The following ENTREP2 variants were observed in gnomAD, a reference collection of about 807,000 sequenced individuals.
ENTREP2 encodes the protein endosomal transmembrane epsin interactor 2, also known as protein ENTREP2.
At chr15:29,342,753 T>C in the ENTREP2 span, among the ~76,000 whole-genome samples, 1 of 152,166 alleles carries the variant, frequency 6.6e-6, no homozygotes, top group South Asian at 2.1e-4. Context: ...AGTGTTTTCA[T>C]GTGATTAGGC....
chr15:29,336,820 A>T, the ENTREP2 span, among the ~76,000 whole-genome samples: 1 of 152,152 alleles, frequency 6.6e-6, no homozygotes, highest in Non-Finnish European at 1.5e-5. Flanking sequence ...AGTCAGATCT[A>T]CCAGATGCCA....
At chr15:29,389,519 T>G in the ENTREP2 span, among the ~76,000 whole-genome samples, 1 of 152,146 alleles carries the variant, frequency 6.6e-6, no homozygotes, top group Non-Finnish European at 1.5e-5. Context: ...ATCAGTGAGC[T>G]TCTGTGGAGC....
At chr15:29,154,228 T>C in the ENTREP2 span, among the ~76,000 whole-genome samples, 3 of 152,348 alleles carry the variant, frequency 2.0e-5, no homozygotes, top group Admixed American at 6.5e-5. Context: ...AAGTGTTTTA[T>C]TGATTTCCTT....
the ENTREP2 span, among the ~76,000 whole-genome samples, chr15:29,411,255 T>C: frequency 6.6e-6 from 1 of 152,320 alleles, no homozygotes; most frequent in East Asian, 1.9e-4. Flanking sequence ...CATGTTCAGC[T>C]ATAGAAAAGA....
chr15:29,205,137 G>C, the ENTREP2 span, among the ~76,000 whole-genome samples: 1 of 152,182 alleles, frequency 6.6e-6, no homozygotes, highest in African/African-American at 2.4e-5. Flanking sequence ...CCATGTGGTA[G>C]CACGTGTCGA....
At chr15:29,215,577 A>AATAT in the ENTREP2 span, among the ~76,000 whole-genome samples, 2,551 of 144,670 alleles carry the variant, frequency 0.018, 45 homozygotes, top group East Asian at 0.061. Flanking sequence ...AAATATATAT[A>AATAT]ATATATATAT....
the ENTREP2 span, among the ~76,000 whole-genome samples, chr15:29,636,491 T>C: frequency 5.3e-3 from 808 of 152,348 alleles, 8 homozygotes; most frequent in African/African-American, 0.018. Context: ...CCTGCACAGC[T>C]GTGCATGAAG....
At chr15:29,293,923 A>G in the ENTREP2 span, among the ~76,000 whole-genome samples, 3 of 152,204 alleles carry the variant, frequency 2.0e-5, no homozygotes, top group African/African-American at 4.8e-5. Context: ...ATCCTGCAGT[A>G]ACTGTGGGGA....
the ENTREP2 span, among the ~76,000 whole-genome samples, chr15:29,472,428 A>AACACACAACACAC: frequency 7.1e-6 from 1 of 140,622 alleles, no homozygotes; most frequent in Non-Finnish European, 1.5e-5. Flanking sequence ...CACAACACAC[A>AACACACAACACAC]ACACACACAC....
At chr15:29,169,998 A>G in the ENTREP2 span, among the ~76,000 whole-genome samples, 1 of 152,166 alleles carries the variant, frequency 6.6e-6, no homozygotes, top group African/African-American at 2.4e-5. Flanking sequence ...TAGTTGTGCA[A>G]TGTTGCTGCA....
At chr15:29,651,443 A>T in the ENTREP2 span, among the ~76,000 whole-genome samples, 1,694 of 152,350 alleles carry the variant, frequency 0.011, 34 homozygotes, top group African/African-American at 0.039. Context: ...CCAAGATGCC[A>T]GCTGCAGCAG....
chr15:29,409,803 A>C, the ENTREP2 span, among the ~76,000 whole-genome samples: 1 of 151,998 alleles, frequency 6.6e-6, no homozygotes, highest in African/African-American at 2.4e-5. Context: ...TCCACTTTCC[A>C]GTTATAACTA....
chr15:29,557,451 C>A, the ENTREP2 span, among the ~76,000 whole-genome samples: 1 of 152,202 alleles, frequency 6.6e-6, no homozygotes, highest in Non-Finnish European at 1.5e-5. Context: ...GCAAACAATT[C>A]TGATCACAGG....
At chr15:29,353,520 A>G in the ENTREP2 span, among the ~76,000 whole-genome samples, 1 of 152,216 alleles carries the variant, frequency 6.6e-6, no homozygotes, top group Non-Finnish European at 1.5e-5. Context: ...TGTATGTTGC[A>G]TGGAAGTACA....
chr15:29,490,099 G>C, the ENTREP2 span, among the ~76,000 whole-genome samples: 1 of 152,220 alleles, frequency 6.6e-6, no homozygotes, highest in African/African-American at 2.4e-5. Flanking sequence ...CTGTATGTGC[G>C]GAATTGGTGG....
the ENTREP2 span, among the ~76,000 whole-genome samples, chr15:29,541,301 G>C: frequency 1.2e-4 from 18 of 152,302 alleles, no homozygotes; most frequent in African/African-American, 4.3e-4. Flanking sequence ...CCGTAAATCG[G>C]TACTGAGCAC....
the ENTREP2 span, among the ~76,000 whole-genome samples, chr15:29,147,206 A>G: frequency 1.3e-5 from 2 of 152,228 alleles, no homozygotes; most frequent in Non-Finnish European, 2.9e-5. Flanking sequence ...TAAAAAGACA[A>G]ATAACCCAAT....
the ENTREP2 span, among the ~76,000 whole-genome samples, chr15:29,340,767 G>C: frequency 3.9e-5 from 6 of 152,166 alleles, no homozygotes; most frequent in Non-Finnish European, 8.8e-5. Flanking sequence ...GGTGGCCGAG[G>C]AAATCACATG....
chr15:29,293,275 G>A, the ENTREP2 span, among the ~76,000 whole-genome samples: 4 of 151,470 alleles, frequency 2.6e-5, no homozygotes, highest in African/African-American at 7.3e-5. Context: ...TTTTTGAGAC[G>A]GAGTCTCGCT....
Sources: gnomAD v4.1 joint callset for allele counts (sites outside exome capture counted in the v4.1 genomes callset) on GRCh38, gnomAD v4.1.1 for gene constraint, MANE v1.5 for transcripts, NCBI Gene and HGNC (gene_info 2026-07-23, HGNC 2026-07-21) for gene names.